Variants in NCAN observed in about 807,000 individuals in gnomAD.
NCAN encodes neurocan core protein.
A neutral mutation model predicts 121.8 loss-of-function variants in NCAN; 47 were observed. The observed-to-expected ratio is 0.39, with a 90% CI of 0.31 to 0.49. The LOEUF (loss-of-function observed/expected upper bound fraction) is 0.49. Ranked by LOEUF, NCAN falls within the 20% of genes least tolerant of loss-of-function variation. The pLI is 0.92. For synonymous variants in NCAN, 633 were observed against 702.0 expected (o/e 0.90, Z 1.55); for missense variants, 1,517 against 1,773.4 (o/e 0.86, Z 2.60).
chr19:19,243,734 A>C (rs1282419560), intron 12 of NCAN, among the ~76,000 whole-genome samples: 1 of 151,778 alleles, frequency 6.6e-6, no homozygotes, highest in East Asian at 1.9e-4. Context: ...ACACGTAAAA[A>C]TGGTTAAAAT....
At chr19:19,214,370 C>T (rs942186698) in intron 1 of NCAN, among the ~76,000 whole-genome samples, 14 of 152,072 alleles carry the variant, frequency 9.2e-5, no homozygotes, top group Non-Finnish European at 1.5e-4. Flanking sequence ...CATCTCTGGC[C>T]GCCCTGGGGA....
chr19:19,219,231 G>A lies in NCAN; in HGVS notation c.390G>A (p.Leu130=), dbSNP rs911353277. The change falls in exon 3 of 15, where the codon CTG becomes CTA. Residue 130 remains leucine, a synonymous_variant. Transcript: ENST00000252575. ...RANATLLLGP[L]RASDSGLYRC... is the part of the protein sequence containing the mutation. The stretch of plus-strand genomic sequence containing the variant: ...ACGCCACGCTACTTCTGGGGCCACT[G>A]AGGGCCAGTGACTCTGGGCTGTACC... 2 of 1,606,722 alleles carry A rather than the reference G, an allele frequency of 1.2e-6. No individual in the cohort carries two copies. Among genetic ancestry groups the A allele is most frequent in the African/African-American group, 1.3e-5 (1 of 74,900 alleles).
At chr19:19,249,045 T>TTGTGTGTGTGTGTGTGTGTGTG (rs112544518) in intron 14 of NCAN, 163 bp downstream of exon 14, 2 of 549,290 alleles carry the variant, frequency 3.6e-6, no homozygotes, top group Non-Finnish European at 3.2e-6. Context: ...TTTCCTTCAT[T>TTGTGTGTGTGTGTGTGTGTGTG]TGTGTGTGTG....
At chr19:19,222,331 G>A (rs1350665179) in intron 3 of NCAN, among the ~76,000 whole-genome samples, 2 of 152,200 alleles carry the variant, frequency 1.3e-5, no homozygotes, top group African/African-American at 4.8e-5. Context: ...CCAGGCTGGA[G>A]TTCAGTGGTG....
rs575459273 is a variant in NCAN at position 19,249,565 on chromosome 19, C to T, written c.3821-201C>T. On this transcript the variant is annotated intron_variant, in intron 14 of 14. Coordinates refer to ENST00000252575, the MANE Select transcript of NCAN (RefSeq NM_004386.3). ...TTATTTTTGTAGAGATAGGTTCTCG[C>T]TATGTTGCCCAAGCTGGTCTCAAAC... Among the ~76,000 whole-genome samples, 15 of 152,202 alleles carry T rather than the reference C, an allele frequency of 9.9e-5. No individual in the cohort carries two copies. In the South Asian group the frequency reaches 2.3e-3, roughly 23 times the overall value.
intron 1 of NCAN, among the ~76,000 whole-genome samples, chr19:19,213,254 T>G (rs2060782017): frequency 6.6e-6 from 1 of 152,084 alleles, no homozygotes; most frequent in Non-Finnish European, 1.5e-5. Flanking sequence ...TTTGTGTGTG[T>G]GTCCACCCCA....
chr19:19,249,847 A>G lies in NCAN; in HGVS notation c.3902A>G (p.Glu1301Gly). Residue 1301 changes from glutamate to glycine, a missense_variant, in exon 15 of 15, where the codon GAG (glutamate) becomes GGG (glycine). Physicochemically the swap from Glu to Gly is moderately conservative, Grantham distance 98. Coordinates refer to ENST00000252575, the MANE Select transcript of NCAN (RefSeq NM_004386.3). The part of the protein sequence containing the change: ...HQHHHHKSRK[E>G]RRKHKKHPTE... ...CATCACCACCACAAATCCCGCAAGGAGCGCAGAAAACACAAGAAACACCCA... is the reference window on the plus strand; with the variant it reads ...CATCACCACCACAAATCCCGCAAGGGGCGCAGAAAACACAAGAAACACCCA... 1.2e-6 allele frequency: 2 copies of G among 1,614,128 alleles called. No homozygotes were observed. Among genetic ancestry groups the G allele is most frequent in the Non-Finnish European group, 1.7e-6 (2 of 1,180,020 alleles).
In NCAN at chr19:19,249,804, C is replaced by T; in HGVS notation, c.3859C>T (p.His1287Tyr). ...TCGGATGCGGCGACACCACCACCACCACCAACACCACCACCAGCATCACCA... is the reference window on the plus strand; with the variant it reads ...TCGGATGCGGCGACACCACCACCACTACCAACACCACCACCAGCATCACCA... ...SHRMRRHHHH[H>Y]QHHHQHHHHK... Residue 1287 changes from histidine (H) to tyrosine (Y), a missense_variant, in exon 15 of 15, where the codon CAC (histidine) becomes TAC (tyrosine). By Grantham distance (83) the His-to-Tyr change is moderately conservative. Coordinates refer to ENST00000252575, the MANE Select transcript of NCAN (RefSeq NM_004386.3). The T allele has an allele frequency of 6.2e-7, 1 of 1,612,214 alleles. No homozygotes were observed. The highest frequency in any genetic ancestry group is 8.5e-7 in the Non-Finnish European group (1 of 1,179,334).
Position 19,219,232 on chromosome 19 carries a change from A to C in NCAN, c.391A>C (p.Arg131=). ...ANATLLLGPL[R]ASDSGLYRCQ... ...CGCCACGCTACTTCTGGGGCCACTGAGGGCCAGTGACTCTGGGCTGTACCG... is the reference window on the plus strand; with the variant it reads ...CGCCACGCTACTTCTGGGGCCACTGCGGGCCAGTGACTCTGGGCTGTACCG... The change falls in exon 3 of 15, where the codon AGG becomes CGG. Residue 131 remains arginine, a synonymous_variant. Coordinates refer to ENST00000252575, the MANE Select transcript of NCAN (RefSeq NM_004386.3). 6.2e-7 allele frequency: 1 copy of C among 1,606,860 alleles called. No individual in the cohort carries two copies. The highest frequency in any genetic ancestry group is 8.5e-7 in the Non-Finnish European group (1 of 1,179,462).
intron 12 of NCAN, among the ~76,000 whole-genome samples, chr19:19,240,920 C>T (rs531856275): frequency 6.6e-6 from 1 of 152,188 alleles, no homozygotes; most frequent in South Asian, 2.1e-4. Context: ...AAACCTGAGA[C>T]TAGGGTCTGA....
chr19:19,245,822 T>G (rs989804702), intron 13 of NCAN, among the ~76,000 whole-genome samples: 9 of 151,882 alleles, frequency 5.9e-5, no homozygotes, highest in African/African-American at 2.2e-4. Flanking sequence ...GTACACAAAT[T>G]TAGAGACAAG....
intron 14 of NCAN, among the ~76,000 whole-genome samples, chr19:19,249,310 A>C (rs1245633905): frequency 1.3e-5 from 2 of 151,956 alleles, no homozygotes; most frequent in Non-Finnish European, 2.9e-5. Flanking sequence ...AGTTCATGTG[A>C]TCAGCTCACC....
Position 19,212,448 on chromosome 19 carries a change from C to T in NCAN, c.-8+384C>T, listed in dbSNP as rs888684619. Among the ~76,000 whole-genome samples the T allele has an allele frequency of 2.6e-5, 4 of 151,872 alleles. No homozygotes were observed. The highest frequency in any genetic ancestry group is 9.7e-5 in the African/African-American group (4 of 41,322). ...GGGGGACTCTGGAACAGGGCACCCCCGTATCTCAGCCGAGACACCCCAGGA... is the reference window on the plus strand; with the variant it reads ...GGGGGACTCTGGAACAGGGCACCCCTGTATCTCAGCCGAGACACCCCAGGA... On this transcript the variant is annotated intron_variant, in intron 1 of 14. Coordinates refer to ENST00000252575, the MANE Select transcript of NCAN (RefSeq NM_004386.3). This position sits in a 1 kb window ranked among gnomAD's most constrained non-coding sequence, Gnocchi z 4.5.
In NCAN at chr19:19,226,701, A is replaced by C; in HGVS notation, c.1288A>C (p.Ser430Arg). 2 of 1,612,728 alleles carry C rather than the reference A, an allele frequency of 1.2e-6. No individual in the cohort carries two copies. The highest frequency in any genetic ancestry group is 1.7e-6 in the Non-Finnish European group (2 of 1,179,072). ...GAAGCAGGAGTCTCAACAGACCCTCAGCCCTACCCCTGGGGACCCCATGCT... is the reference window on the plus strand; with the variant it reads ...GAAGCAGGAGTCTCAACAGACCCTCCGCCCTACCCCTGGGGACCCCATGCT... ...EEKQESQQTL[S>R]PTPGDPMLAS... Residue 430 changes from serine (S) to arginine (R), a missense_variant, in exon 7 of 15, where the codon AGC becomes CGC. Ser to Arg is a moderately radical substitution (Grantham distance 110). Transcript: ENST00000252575.
In NCAN at chr19:19,226,812, C is replaced by T; in HGVS notation, c.1399C>T (p.His467Tyr). ...GGGGGCAGGCACTGCAGCAAGTTCACACACGGAGGTGGCCCCAACTGACCC... is the reference window on the plus strand; with the variant it reads ...GGGGGCAGGCACTGCAGCAAGTTCATACACGGAGGTGGCCCCAACTGACCC... ...DMGAGTAASS[H>Y]TEVAPTDPMP... Residue 467 changes from histidine (H) to tyrosine (Y), a missense_variant, in exon 7 of 15, where the codon CAC becomes TAC. His to Tyr is a moderately conservative substitution (Grantham distance 83). Coordinates refer to ENST00000252575, the MANE Select transcript of NCAN (RefSeq NM_004386.3). The T allele has an allele frequency of 1.2e-6, 2 of 1,613,330 alleles. No homozygotes were observed. Among genetic ancestry groups the T allele is most frequent in the Admixed American group, 1.7e-5 (1 of 60,018 alleles).
At chr19:19,240,731 C>T in intron 12 of NCAN, 46 bp downstream of exon 12, 1 of 1,578,828 alleles carries the variant, frequency 6.3e-7, no homozygotes, top group Non-Finnish European at 8.7e-7. Context: ...CCACATCAGC[C>T]CTGCCATCTG....
At chr19:19,213,358 G>A (rs937790321) in intron 1 of NCAN, among the ~76,000 whole-genome samples, 3 of 151,958 alleles carry the variant, frequency 2.0e-5, no homozygotes, top group Non-Finnish European at 2.9e-5. Flanking sequence ...AACTTGTGCC[G>A]AGGGCCACAT....
Position 19,240,679 on chromosome 19 carries a change from C to T in NCAN, c.3486C>T (p.Thr1162=), listed in dbSNP as rs369120079. The change falls in exon 12 of 15, where the codon ACC becomes ACT. Residue 1162 remains threonine (T), a synonymous_variant. Transcript: ENST00000252575. ...VERDFQWTDN[T]GLQFENWREN... is the part of the protein sequence containing the mutation. ...GAGATTTCCAGTGGACGGACAACAC[C>T]GGGCTGGTGAGTGGCAGGGGCTGCG... 19 of 1,613,924 alleles carry T rather than the reference C, an allele frequency of 1.2e-5. No individual in the cohort carries two copies. The highest frequency in any genetic ancestry group is 1.2e-4 in the Admixed American group (7 of 60,002).
intron 13 of NCAN, among the ~76,000 whole-genome samples, chr19:19,246,160 C>T (rs1012828056): frequency 2.6e-5 from 4 of 152,106 alleles, no homozygotes; most frequent in South Asian, 2.1e-4. Context: ...GCCTCAGCCT[C>T]CTGAGTAGCT....
Sources: gnomAD v4.1 joint callset for allele counts (sites outside exome capture counted in the v4.1 genomes callset) on GRCh38, gnomAD v4.1.1 for gene constraint, Gnocchi (gnomAD v3.1) non-coding constraint, MANE v1.5 for transcripts, NCBI Gene and HGNC (gene_info 2026-07-23, HGNC 2026-07-21) for gene names.